The following SLC24A3 variants were observed in gnomAD, a reference collection of about 807,000 sequenced individuals.
SLC24A3 encodes the protein solute carrier family 24 member 3, also known as sodium/potassium/calcium exchanger 3.
A neutral mutation model predicts 75.8 loss-of-function variants in SLC24A3; 28 were observed. That is an observed-to-expected ratio of 0.37 (90% confidence interval 0.27 to 0.51). The LOEUF is 0.51. Ranked by LOEUF, SLC24A3 falls within the 20% of genes least tolerant of loss-of-function variation. SLC24A3 has a pLI of 0.94. For synonymous variants in SLC24A3, 372 were observed against 334.1 expected (o/e 1.11, Z -1.24); for missense variants, 663 against 847.8 (o/e 0.78, Z 2.71).
chr20:19,262,213 C>T (rs1216308994), intron 1 of SLC24A3, among the ~76,000 whole-genome samples: 2 of 151,644 alleles, frequency 1.3e-5, no homozygotes, highest in African/African-American at 2.4e-5. Flanking sequence ...ACCATCCTGG[C>T]TAACACAGTG....
At chr20:19,578,872 T>A (rs1038628298) in intron 3 of SLC24A3, among the ~76,000 whole-genome samples, 3 of 151,706 alleles carry the variant, frequency 2.0e-5, no homozygotes, top group Admixed American at 6.6e-5. Context: ...GGGGCTTAGG[T>A]TTTTTCTGAT....
intron 3 of SLC24A3, among the ~76,000 whole-genome samples, chr20:19,535,868 T>C (rs1344338352): frequency 6.6e-6 from 1 of 152,108 alleles, no homozygotes; most frequent in Non-Finnish European, 1.5e-5. Flanking sequence ...GTCTGGGAAG[T>C]CCAAGATCAA....
At chr20:19,291,643 T>G (rs1409858245) in intron 2 of SLC24A3, among the ~76,000 whole-genome samples, 1 of 151,088 alleles carries the variant, frequency 6.6e-6, no homozygotes, top group African/African-American at 2.5e-5. Context: ...AACTAAAGAT[T>G]AGCAGCCTTT....
chr20:19,693,110 T>C (rs2032763765), intron 12 of SLC24A3, 149 bp from the exon 13 acceptor site: 3 of 867,276 alleles, frequency 3.5e-6, no homozygotes, highest in Non-Finnish European at 5.0e-6. Flanking sequence ...TGATGGAAAG[T>C]CATTTGAATG....
chr20:19,262,089 C>G (rs998945066), intron 1 of SLC24A3, among the ~76,000 whole-genome samples: 173 of 152,234 alleles, frequency 1.1e-3, no homozygotes, highest in African/African-American at 4.0e-3. Flanking sequence ...GCAGCAGTTG[C>G]AAGCATCGCC....
chr20:19,673,547 G>A, intron 8 of SLC24A3, 54 bp from the exon 9 acceptor site: 3 of 1,491,440 alleles, frequency 2.0e-6, no homozygotes, highest in Non-Finnish European at 2.8e-6. Flanking sequence ...AATGAGGCAG[G>A]TGAGTTTCAC....
chr20:19,428,081 CTT>C (rs1405187729), intron 2 of SLC24A3, among the ~76,000 whole-genome samples: 4 of 152,188 alleles, frequency 2.6e-5, no homozygotes, highest in African/African-American at 9.7e-5. Context: ...TCAGTGCAGT[CTT>C]TTGAAAATAT....
At chr20:19,244,830 G>A (rs1982441360) in intron 1 of SLC24A3, among the ~76,000 whole-genome samples, 1 of 152,194 alleles carries the variant, frequency 6.6e-6, no homozygotes, top group Admixed American at 6.5e-5. Flanking sequence ...TTAGAAGCAG[G>A]TGAGAGATAT....
intron 3 of SLC24A3, among the ~76,000 whole-genome samples, chr20:19,530,817 T>C (rs2030283992): frequency 6.6e-6 from 1 of 152,152 alleles, no homozygotes; most frequent in Non-Finnish European, 1.5e-5. Context: ...GCTTGAGCAC[T>C]GGGGTCTAAT....
intron 2 of SLC24A3, among the ~76,000 whole-genome samples, chr20:19,381,484 T>C (rs1397159281): frequency 1.3e-5 from 2 of 152,084 alleles, no homozygotes; most frequent in African/African-American, 4.8e-5. Flanking sequence ...TGCAGATGAC[T>C]GGAAAGATGG....
At chr20:19,627,876 G>A (rs1055646977) in intron 6 of SLC24A3, among the ~76,000 whole-genome samples, 6 of 151,972 alleles carry the variant, frequency 3.9e-5, no homozygotes, top group Non-Finnish European at 7.4e-5. Flanking sequence ...AAGTAATTTC[G>A]AGGAAAATGT....
At chr20:19,299,040 T>TGGGTGA (rs1362464220) in intron 2 of SLC24A3, among the ~76,000 whole-genome samples, 1 of 152,098 alleles carries the variant, frequency 6.6e-6, no homozygotes, top group African/African-American at 2.4e-5. Context: ...TGGGCCATTG[T>TGGGTGA]GGGTGAGGGG....
At chr20:19,479,178 A>G (rs898699142) in intron 2 of SLC24A3, among the ~76,000 whole-genome samples, 1 of 152,232 alleles carries the variant, frequency 6.6e-6, no homozygotes, top group Admixed American at 6.5e-5. Context: ...TTAGCCTTTC[A>G]TGGCTAACAC....
intron 4 of SLC24A3, among the ~76,000 whole-genome samples, chr20:19,581,773 C>G (rs2031221795): frequency 6.6e-6 from 1 of 152,132 alleles, no homozygotes; most frequent in Non-Finnish European, 1.5e-5. Context: ...CTATTTGAGC[C>G]CAAGTCAGCC....
intron 8 of SLC24A3, among the ~76,000 whole-genome samples, chr20:19,666,726 G>C (rs969331379): frequency 1.3e-5 from 2 of 152,136 alleles, no homozygotes; most frequent in African/African-American, 2.4e-5. Flanking sequence ...GCTCATGCCT[G>C]TAATCCTAGC....
chr20:19,510,647 C>T (rs1239035390), intron 2 of SLC24A3, among the ~76,000 whole-genome samples: 1 of 152,086 alleles, frequency 6.6e-6, no homozygotes, highest in Non-Finnish European at 1.5e-5. Context: ...AGATTAATGT[C>T]CAAATAAGAG....
intron 15 of SLC24A3, among the ~76,000 whole-genome samples, chr20:19,711,831 G>T (rs914901652): frequency 6.6e-6 from 1 of 152,172 alleles, no homozygotes; most frequent in Non-Finnish European, 1.5e-5. Flanking sequence ...GTAGAGACAG[G>T]TTTTCACCAT....
intron 9 of SLC24A3, among the ~76,000 whole-genome samples, chr20:19,678,197 T>C (rs1295345781): frequency 2.7e-5 from 4 of 150,724 alleles, no homozygotes; most frequent in Non-Finnish European, 5.9e-5. Context: ...ATTGTCATCC[T>C]GGCCCGTTCT....
intron 2 of SLC24A3, among the ~76,000 whole-genome samples, chr20:19,440,923 A>G (rs1228357108): frequency 6.6e-6 from 1 of 152,096 alleles, no homozygotes; most frequent in African/African-American, 2.4e-5. Flanking sequence ...TTCATCACAT[A>G]TGAGTGACAG....
Sources: gnomAD v4.1 joint callset for allele counts (sites outside exome capture counted in the v4.1 genomes callset) on GRCh38, gnomAD v4.1.1 for gene constraint, MANE v1.5 for transcripts, NCBI Gene and HGNC (gene_info 2026-07-23, HGNC 2026-07-21) for gene names.